Variants in MAP7D2 observed in about 807,000 individuals in gnomAD.
MAP7D2 encodes the protein MAP7 domain containing 2, also known as MAP7 domain-containing protein 2.
In MAP7D2, 33 loss-of-function variants were observed where a neutral mutation model predicts 63.5. That is an observed-to-expected ratio of 0.52 (90% CI 0.39 to 0.70). MAP7D2 has a LOEUF of 0.70. Ranked by LOEUF, MAP7D2 falls within the 30% of genes least tolerant of loss-of-function variation. MAP7D2 has a pLI of 0.00. For missense variants in MAP7D2, 626 were observed against 604.0 expected (o/e 1.04, Z -0.38); for synonymous variants, 224 against 223.7 (o/e 1.00, Z -0.01).
At position 20,063,505 on chromosome X, in the gene MAP7D2, C is replaced by T. The variant is rs752492865; in HGVS notation, c.281G>A (p.Arg94Gln). ...CCGCTGCTCTTCCAGTTTTCGCCATCGCTCCTCCATTTGCTTTTCGTACTG... is the reference window on the plus strand; with the variant it reads ...CCGCTGCTCTTCCAGTTTTCGCCATTGCTCCTCCATTTGCTTTTCGTACTG... Reference protein sequence around the residue: ...RLQYEKQMEERWRKLEEQRQR... With the variant: ...RLQYEKQMEEQWRKLEEQRQR... Residue 94 changes from arginine (R) to glutamine (Q), a missense_variant, in exon 3 of 17, where the codon CGA becomes CAA. Transcript: ENST00000379643. 9 of 1,212,137 alleles carry T rather than the reference C, an allele frequency of 7.4e-6. No homozygotes were observed. The highest frequency in any genetic ancestry group is 1.0e-5 in the Non-Finnish European group (9 of 895,531).
At chrX:20,107,025 C>T (rs1210340556) in intron 1 of MAP7D2, among the ~76,000 whole-genome samples, 3 of 109,814 alleles carry the variant, frequency 2.7e-5, no homozygotes, top group Non-Finnish European at 5.7e-5. Flanking sequence ...AGCTGATGAA[C>T]TTTGGAGGTT....
At chrX:20,069,266 G>T (rs1221357180) in intron 1 of MAP7D2, among the ~76,000 whole-genome samples, 5 of 111,239 alleles carry the variant, frequency 4.5e-5, no homozygotes, top group Non-Finnish European at 9.4e-5. Flanking sequence ...GAGTACAGTG[G>T]CACGATCATT....
chrX:20,047,823 AAAATAAAT>A (rs765329236), intron 6 of MAP7D2, among the ~76,000 whole-genome samples: 8 of 105,412 alleles, frequency 7.6e-5, no homozygotes, highest in East Asian at 2.9e-4. Context: ...CCTTGTCTCC[AAAATAAAT>A]AAATAAATAA....
intron 16 of MAP7D2, among the ~76,000 whole-genome samples, chrX:20,009,830 A>G (rs1024467429): frequency 2.7e-5 from 3 of 110,170 alleles, no homozygotes; most frequent in Non-Finnish European, 3.8e-5. Flanking sequence ...CCCAACCTCT[A>G]CAAAAACTAA....
intron 10 of MAP7D2, among the ~76,000 whole-genome samples, chrX:20,016,528 T>C (rs960668334): frequency 8.9e-6 from 1 of 112,515 alleles, no homozygotes; most frequent in East Asian, 2.8e-4. Flanking sequence ...TAACCAGGCT[T>C]GACTTTAAAT....
intron 6 of MAP7D2, among the ~76,000 whole-genome samples, chrX:20,050,172 T>C (rs1188761700): frequency 9.0e-6 from 1 of 111,581 alleles, no homozygotes; most frequent in South Asian, 3.8e-4. Flanking sequence ...GACGACTTGA[T>C]CTGCTTTGAT....
intron 16 of MAP7D2, among the ~76,000 whole-genome samples, chrX:20,010,292 T>C (rs777257323): frequency 1.6e-4 from 18 of 112,156 alleles, no homozygotes; most frequent in Non-Finnish European, 3.4e-4. Flanking sequence ...CTCCCTCAGG[T>C]ATGATCCAAG....
chrX:20,033,228 A>C (rs2074107027), intron 8 of MAP7D2, among the ~76,000 whole-genome samples: 1 of 112,623 alleles, frequency 8.9e-6, no homozygotes, highest in Middle Eastern at 4.6e-3. Flanking sequence ...CTGTTTAAGC[A>C]ACTCAATTTT....
At chrX:20,113,522 G>A (rs2066803974) in intron 1 of MAP7D2, among the ~76,000 whole-genome samples, 1 of 112,400 alleles carries the variant, frequency 8.9e-6, no homozygotes, top group Non-Finnish European at 1.9e-5. Context: ...GGGATTACAG[G>A]CGTGAGCCAC....
At chrX:20,063,064 G>A (rs2065260998) in intron 3 of MAP7D2, among the ~76,000 whole-genome samples, 1 of 109,457 alleles carries the variant, frequency 9.1e-6, no homozygotes, top group Non-Finnish European at 1.9e-5. Context: ...GACCACCAGG[G>A]ACCCTTTGAG....
At chrX:20,089,066 C>T (rs990155051) in intron 1 of MAP7D2, among the ~76,000 whole-genome samples, 3 of 111,782 alleles carry the variant, frequency 2.7e-5, no homozygotes, top group African/African-American at 9.7e-5. Flanking sequence ...CAGGTGTGAG[C>T]CACCGTGCTC....
chrX:20,098,509 A>G (rs1245303755), intron 1 of MAP7D2, among the ~76,000 whole-genome samples: 1 of 111,764 alleles, frequency 8.9e-6, no homozygotes, highest in Admixed American at 9.5e-5. Flanking sequence ...ATGGAGACTT[A>G]GAAGTTCTGT....
chrX:20,094,522 A>ATATATATATG (rs2066177232), intron 1 of MAP7D2, among the ~76,000 whole-genome samples: 3 of 13,915 alleles, frequency 2.2e-4, no homozygotes, highest in African/African-American at 5.4e-4. Context: ...ATATGTATAT[A>ATATATATATG]TATATATATA....
rs955091841 is a variant in MAP7D2 at position 20,044,432 on chromosome X, T to C, written c.811A>G (p.Thr271Ala). 1 of 1,209,402 alleles carries C rather than the reference T, an allele frequency of 8.3e-7. No homozygotes were observed. Among genetic ancestry groups the C allele is most frequent in the Admixed American group, 2.2e-5 (1 of 45,691 alleles). ...PTRNIEKKKATSTSTSGAGDV... is the reference protein window; with the variant it reads ...PTRNIEKKKAASTSTSGAGDV... ...CCTGCACCAGATGTAGACGTAGATG[T>C]AGCTTTCTTCTTCTCAATGTTTCGA... The change falls in exon 7 of 17, where the codon ACA (threonine) becomes GCA (alanine). Residue 271 changes from threonine (T) to alanine (A), a missense_variant. Transcript: ENST00000379643.
intron 5 of MAP7D2, chrX:20,052,369 T>C: frequency 3.7e-6 from 1 of 269,305 alleles, no homozygotes; most frequent in South Asian, 4.0e-5. Flanking sequence ...AACCTTTTCC[T>C]CTTTTAGAGG....
At chrX:20,042,775 C>T (rs1385692960) in intron 7 of MAP7D2, 146 bp from the exon 8 acceptor site, 10 of 709,320 alleles carry the variant, frequency 1.4e-5, no homozygotes, top group Admixed American at 3.2e-5. Context: ...GGCATCTTTG[C>T]GGGGAGGCAG....
intron 16 of MAP7D2, among the ~76,000 whole-genome samples, chrX:20,010,151 T>A (rs2073141006): frequency 8.9e-6 from 1 of 112,324 alleles, no homozygotes; most frequent in Admixed American, 9.4e-5. Context: ...AAGTATACCT[T>A]ACTACAGAGT....
chrX:20,024,948 T>C lies in MAP7D2; in HGVS notation c.1412+3A>G, dbSNP rs766955523. 157 of 1,208,221 alleles carry C rather than the reference T, an allele frequency of 1.3e-4. No individual in the cohort carries two copies. The highest frequency in any genetic ancestry group is 1.7e-4 in the Non-Finnish European group (154 of 894,332). On this transcript the variant is annotated splice_donor_region_variant and intron_variant, in intron 10 of 16. Transcript: ENST00000379643. ...CACACCGAAATTCTGAGCACTAGCA[T>C]ACCTATCTTGTTCTTCCTTCTCCAG...
intron 1 of MAP7D2, among the ~76,000 whole-genome samples, chrX:20,095,728 A>G (rs773300228): frequency 8.9e-5 from 10 of 112,209 alleles, no homozygotes; most frequent in South Asian, 3.7e-4. Context: ...GTCTACTAAC[A>G]AAAGAATGGA....
Sources: gnomAD v4.1 joint callset for allele counts (sites outside exome capture counted in the v4.1 genomes callset) on GRCh38, gnomAD v4.1.1 for gene constraint, MANE v1.5 for transcripts, NCBI Gene and HGNC (gene_info 2026-07-23, HGNC 2026-07-21) for gene names.